ZDHHC5: variants seen among roughly 807,000 people sequenced by gnomAD.
The protein encoded by ZDHHC5 is zDHHC palmitoyltransferase 5, also known as palmitoyltransferase ZDHHC5.
A neutral mutation model predicts 70.0 loss-of-function variants in ZDHHC5; 22 were observed. The ratio of observed to expected loss-of-function variants is 0.31; its 90% CI spans 0.22 to 0.45. The LOEUF is 0.45. Among genes scored for constraint, ZDHHC5 ranks in the 20% least tolerant of loss-of-function variants. The pLI is 1.00. For missense variants in ZDHHC5, 746 were observed against 926.9 expected (o/e 0.80, Z 2.53); for synonymous variants, 313 against 347.8 (o/e 0.90, Z 1.11).
intron 5 of ZDHHC5, 48 bp from the exon 6 acceptor site, chr11:57,690,287 G>A: frequency 6.2e-7 from 1 of 1,613,700 alleles, no homozygotes; most frequent in Non-Finnish European, 8.5e-7. Flanking sequence ...TAGGGGCCGG[G>A]GAAAGTGAGG....
intron 2 of ZDHHC5, 74 bp from the exon 3 acceptor site, chr11:57,682,348 T>C (rs1213825493): frequency 1.3e-6 from 2 of 1,529,146 alleles, no homozygotes; most frequent in African/African-American, 1.4e-5. Flanking sequence ...GCTAAGTCTT[T>C]ACAGATTTTT....
chr11:57,698,959 A>T lies in ZDHHC5; in HGVS notation c.1523A>T (p.Gln508Leu). 2 of 1,613,090 alleles carry T rather than the reference A, an allele frequency of 1.2e-6. No individual in the cohort carries two copies. Among genetic ancestry groups the T allele is most frequent in the Non-Finnish European group, 1.7e-6 (2 of 1,179,978 alleles). ...TSPFLSARLA[Q>L]QREAERHPRL... ...CCCTTCCTGTCAGCCAGGCTGGCCC[A>T]GCAACGGGAAGCTGAGAGGCACCCA... The change falls in exon 11 of 12, where the codon CAG (glutamine) becomes CTG (leucine). Residue 508 changes from glutamine to leucine, a missense_variant. This residue lies in a region of ZDHHC5 where 340 missense variants were observed against 350.1 expected (regional missense o/e 0.97). Coordinates refer to ENST00000287169, the MANE Select transcript of ZDHHC5 (RefSeq NM_015457.3).
intron 1 of ZDHHC5, among the ~76,000 whole-genome samples, chr11:57,670,577 CTG>C (rs1169309352): frequency 6.6e-6 from 1 of 151,766 alleles, no homozygotes. Flanking sequence ...CTGTAGGAAA[CTG>C]AGAGTTAAAT....
intron 2 of ZDHHC5, among the ~76,000 whole-genome samples, chr11:57,680,541 G>A (rs1055895326): frequency 6.6e-6 from 1 of 152,190 alleles, no homozygotes; most frequent in African/African-American, 2.4e-5. Flanking sequence ...GTAGGAATGA[G>A]ACTTTTAAAT....
intron 3 of ZDHHC5, among the ~76,000 whole-genome samples, chr11:57,687,592 T>C (rs1363188813): frequency 6.6e-6 from 1 of 151,748 alleles, no homozygotes; most frequent in Non-Finnish European, 1.5e-5. Flanking sequence ...AATTGCTAAC[T>C]GTATATGAGA....
intron 10 of ZDHHC5, among the ~76,000 whole-genome samples, chr11:57,697,315 T>G (rs889793701): frequency 6.6e-6 from 1 of 151,454 alleles, no homozygotes; most frequent in Non-Finnish European, 1.5e-5. Context: ...ACAAAAAAAT[T>G]AGCCAGGCAT....
intron 2 of ZDHHC5, among the ~76,000 whole-genome samples, chr11:57,677,921 A>G (rs1946092980): frequency 6.6e-6 from 1 of 152,220 alleles, no homozygotes; most frequent in African/African-American, 2.4e-5. Flanking sequence ...CAGCTGGTTG[A>G]AAGTCTGGGT....
chr11:57,690,183 A>G lies in ZDHHC5; in HGVS notation c.537A>G (p.Ser179=). Residue 179 remains serine (S), a synonymous_variant, in exon 5 of 12, where the codon TCA becomes TCG. Coordinates refer to ENST00000287169, the MANE Select transcript of ZDHHC5 (RefSeq NM_015457.3). ...LYVLYHIEEL[S]GVRTAVTMAV... is the part of the protein sequence containing the mutation. ...TCCTCTACCACATAGAGGAACTCTC[A>G]GGGGTCCGCACGGCTGTCACGTATC... 6.2e-7 allele frequency: 1 copy of G among 1,614,036 alleles called. No homozygotes were observed. Among genetic ancestry groups the G allele is most frequent in the Non-Finnish European group, 8.5e-7 (1 of 1,179,988 alleles).
In ZDHHC5 at chr11:57,700,068, T is replaced by C. The variant is rs1003018673; in HGVS notation, c.*37T>C. The C allele has an allele frequency of 1.3e-6, 2 of 1,526,166 alleles. No individual in the cohort carries two copies. The highest frequency in any genetic ancestry group is 1.8e-6 in the Non-Finnish European group (2 of 1,139,586). The allele number at this position is 1,526,166 out of a possible 1,614,324, so 94.5% of individuals were successfully genotyped here. A position where few individuals can be genotyped will look rare whatever the true frequency, so the allele number is the denominator to read the frequency against. Reference sequence around the variant, plus strand: ...CTCCCCTCCCCAACGCCTCTGCGCCTACACCAAAGGGCCCCAGGTGGCCAC... The same window carrying C: ...CTCCCCTCCCCAACGCCTCTGCGCCCACACCAAAGGGCCCCAGGTGGCCAC... On this transcript the variant is annotated 3_prime_UTR_variant, in exon 12 of 12. Transcript: ENST00000287169.
At chr11:57,699,795 T>C in intron 11 of ZDHHC5, 71 bp from the exon 12 acceptor site, 2 of 1,589,862 alleles carry the variant, frequency 1.3e-6, no homozygotes, top group Non-Finnish European at 1.7e-6. Flanking sequence ...CTCTGAACCT[T>C]TGAAACTGTC....
At position 57,695,927 on chromosome 11, in the gene ZDHHC5, G is replaced by A. The variant is rs1479461342; in HGVS notation, c.893G>A (p.Gly298Glu). 2.5e-6 allele frequency: 4 copies of A among 1,613,624 alleles called. No individual in the cohort carries two copies. Among genetic ancestry groups the A allele is most frequent in the Non-Finnish European group, 3.4e-6 (4 of 1,179,912 alleles). ...QGELRRTKSKGSLEITESQSA... is the reference protein window; with the variant it reads ...QGELRRTKSKESLEITESQSA... ...CTCCCTTCATCAATCCAGTCTAAGG[G>A]AAGCCTGGAGATAACAGAGAGCCAG... Residue 298 changes from glycine to glutamate, a missense_variant, in exon 9 of 12, where the codon GGA becomes GAA. Physicochemically the swap from Gly to Glu is moderately conservative, Grantham distance 98 (BLOSUM62 -2). Transcript: ENST00000287169.
intron 2 of ZDHHC5, among the ~76,000 whole-genome samples, chr11:57,674,122 C>CT (rs989261560): frequency 6.6e-6 from 1 of 152,046 alleles, no homozygotes; most frequent in Non-Finnish European, 1.5e-5. Context: ...AAAAGAGTCC[C>CT]TTTATGTTAG....
Position 57,694,046 on chromosome 11 carries a change from G to T in ZDHHC5, c.885+131G>T. ...GACAGAGTCTTGCTCTGTTGCCCAGGCTGGAGTGCAGTGGTGCTCAGTGCA... is the reference window on the plus strand; with the variant it reads ...GACAGAGTCTTGCTCTGTTGCCCAGTCTGGAGTGCAGTGGTGCTCAGTGCA... On this transcript the variant is annotated intron_variant, in intron 8 of 11. Transcript: ENST00000287169. 6.3e-6 allele frequency: 8 copies of T among 1,267,476 alleles called. No individual in the cohort carries two copies. The East Asian group carries it at 2.3e-4, about 36-fold the overall frequency. The allele number at this position is 1,267,476 out of a possible 1,614,324, so 78.5% of individuals were successfully genotyped here.
At chr11:57,678,673 G>T (rs1428369047) in intron 2 of ZDHHC5, among the ~76,000 whole-genome samples, 1 of 151,798 alleles carries the variant, frequency 6.6e-6, no homozygotes, top group Non-Finnish European at 1.5e-5. Flanking sequence ...GAGCCCAGGA[G>T]TTCGAGACCA....
intron 1 of ZDHHC5, among the ~76,000 whole-genome samples, chr11:57,669,468 A>G (rs960580333): frequency 2.0e-5 from 3 of 151,602 alleles, no homozygotes; most frequent in Non-Finnish European, 4.4e-5. Context: ...TTTTTTTCTC[A>G]TTTTTGAGAC....
At chr11:57,687,161 T>G (rs1946217685) in intron 3 of ZDHHC5, among the ~76,000 whole-genome samples, 1 of 152,312 alleles carries the variant, frequency 6.6e-6, no homozygotes, top group South Asian at 2.1e-4. Flanking sequence ...TTTCTTGTGA[T>G]GTAAATATGA....
Position 57,700,198 on chromosome 11 carries a change from CG to C in ZDHHC5, c.*169del. On this transcript the variant is annotated 3_prime_UTR_variant, in exon 12 of 12. Transcript: ENST00000287169. The stretch of plus-strand genomic sequence containing the variant: ...CTAAAATGCAGTAGGCTTGGGGAGT[CG>C]GAGAGTTGGGGCCCTGAGACTGGGG... 1.1e-6 allele frequency: 1 copy of C among 895,482 alleles called. No individual in the cohort carries two copies. Among genetic ancestry groups the C allele is most frequent in the Non-Finnish European group, 1.6e-6 (1 of 633,914 alleles). 55.5% of individuals were successfully genotyped at this position (895,482 alleles called of 1,614,324 possible).
intron 3 of ZDHHC5, among the ~76,000 whole-genome samples, chr11:57,683,076 T>C (rs1946167760): frequency 6.6e-6 from 1 of 152,184 alleles, no homozygotes; most frequent in Non-Finnish European, 1.5e-5. Context: ...GGGAAGGGCA[T>C]TTTTAGGCAG....
At chr11:57,699,770 G>T (rs1946415503) in intron 11 of ZDHHC5, 96 bp from the exon 12 acceptor site, 1 of 1,473,918 alleles carries the variant, frequency 6.8e-7, no homozygotes, top group Non-Finnish European at 9.4e-7. Flanking sequence ...ATATAGAAAA[G>T]AACATCATTT....
Sources: allele counts gnomAD v4.1 joint callset (sites outside exome capture counted in the v4.1 genomes callset), GRCh38; gene constraint gnomAD v4.1.1; regional missense constraint gnomAD v4.1.1; transcripts MANE v1.5; gene names NCBI Gene and HGNC (gene_info 2026-07-23, HGNC 2026-07-21).